Variants in EPM2A observed in about 807,000 individuals in gnomAD.
EPM2A encodes laforin.
A neutral mutation model predicts 26.5 loss-of-function variants in EPM2A; 21 were observed. The ratio of observed to expected loss-of-function variants is 0.79; its 90% CI spans 0.56 to 1.14. The LOEUF (loss-of-function observed/expected upper bound fraction) is 1.14. Among genes scored for constraint, EPM2A ranks in the 50% most tolerant of loss-of-function variants. The pLI is 0.00. For missense variants in EPM2A, 458 were observed against 440.8 expected (o/e 1.04, Z -0.35); for synonymous variants, 217 against 177.6 (o/e 1.22, Z -1.76).
rs1554264385 is a variant in EPM2A at position 145,696,805 on chromosome 6, G to GTGTGTT, written c.302-10510_302-10509insAACACA. 5.9e-3 allele frequency among the ~76,000 whole-genome samples: 898 copies of GTGTGTT among 151,134 alleles called. 3 individuals are homozygous for GTGTGTT. Among genetic ancestry groups the GTGTGTT allele is most frequent in the Non-Finnish European group, 9.9e-3 (666 of 67,614 alleles). On this transcript the variant is annotated intron_variant, in intron 1 of 3. Coordinates refer to ENST00000367519, the MANE Select transcript of EPM2A (RefSeq NM_005670.4). ...TGTGTGTGTGTGTGTGTGTGTGTGT[G>GTGTGTT]TGTGTGTGTGTGTGTGTGTGTGGTG...
At chr6:145,468,657 A>G (rs1365155382) in intron 4 of EPM2A, among the ~76,000 whole-genome samples, 1 of 152,156 alleles carries the variant, frequency 6.6e-6, no homozygotes, top group Non-Finnish European at 1.5e-5. Flanking sequence ...CTTAAATCTA[A>G]GGCCTCAAAC....
At position 145,439,266 on chromosome 6, in the gene EPM2A, T is replaced by TAA. The variant is rs1242472062; in HGVS notation, c.556-55171_556-55170dup. Among the ~76,000 whole-genome samples the TAA allele has an allele frequency of 2.6e-5, 4 of 152,324 alleles. No individual in the cohort carries two copies. The East Asian group carries it at 7.7e-4, about 29-fold the overall frequency. On this transcript the variant is annotated intron_variant, in intron 4 of 4. Coordinates refer to the EPM2A transcript ENST00000638717. Reference sequence around the variant, plus strand: ...TTTGATATTTTGAATAATGCTGCAATAACATACGTGTGCATGTGTCTTTAT... The same window carrying TAA: ...TTTGATATTTTGAATAATGCTGCAATAAAACATACGTGTGCATGTGTCTTTAT...
intron 2 of EPM2A, among the ~76,000 whole-genome samples, chr6:145,515,612 T>G (rs1166895202): frequency 1.3e-5 from 2 of 152,148 alleles, no homozygotes; most frequent in African/African-American, 2.4e-5. Context: ...AGGGCACTAA[T>G]CTTATTCTTG....
intron 4 of EPM2A, among the ~76,000 whole-genome samples, chr6:145,462,328 A>T (rs780477925): frequency 6.6e-6 from 1 of 152,134 alleles, no homozygotes; most frequent in Non-Finnish European, 1.5e-5. Flanking sequence ...GGTGGGTAGG[A>T]TCAACCCCGT....
intron 2 of EPM2A, among the ~76,000 whole-genome samples, chr6:145,575,577 C>T (rs577493671): frequency 1.1e-4 from 17 of 152,286 alleles, no homozygotes; most frequent in Admixed American, 2.0e-4. Flanking sequence ...ACTTTTTTCA[C>T]TGAACTTAGG....
At position 145,689,785 on chromosome 6, in the gene EPM2A, C is replaced by T. The variant is rs141557203; in HGVS notation, c.302-3489G>A. Among the ~76,000 whole-genome samples the T allele has an allele frequency of 3.0e-3, 454 of 152,340 alleles. 2 individuals are homozygous for T. The highest frequency in any genetic ancestry group is 0.024 in the Middle Eastern group (7 of 294). The stretch of plus-strand genomic sequence containing the variant: ...AGCTGTATTGCAGTGCCTCAACCCA[C>T]TCACTATCATGGTGTCAGAGAAGGA... On this transcript the variant is annotated intron_variant, in intron 1 of 3. Coordinates refer to ENST00000367519, the MANE Select transcript of EPM2A (RefSeq NM_005670.4).
Position 145,520,212 on chromosome 6 carries a change from A to G in EPM2A, c.341-17637T>C, listed in dbSNP as rs78594187. Among the ~76,000 whole-genome samples, 729 of 152,248 alleles carry G rather than the reference A, an allele frequency of 4.8e-3. 25 individuals are homozygous for G. In the East Asian group the frequency reaches 0.087, roughly 18 times the overall value. ...TTTTTCTCATAATTAAAATCTTAAA[A>G]TATCACTGTACTTTTTCTCTTTTCC... is the stretch of plus-strand genomic sequence containing the variant. On this transcript the variant is annotated intron_variant, in intron 2 of 3. Transcript: ENST00000450221.
At chr6:145,701,963 A>T (rs1781937544) in intron 1 of EPM2A, among the ~76,000 whole-genome samples, 1 of 152,134 alleles carries the variant, frequency 6.6e-6, no homozygotes, top group South Asian at 2.1e-4. Context: ...CTAGTTCTTG[A>T]TTGTGTCTGG....
intron 2 of EPM2A, among the ~76,000 whole-genome samples, chr6:145,674,275 C>A (rs775703006): frequency 9.2e-5 from 14 of 152,038 alleles, no homozygotes; most frequent in Non-Finnish European, 1.9e-4. Flanking sequence ...ACATCTACAC[C>A]AAACCCCACC....
chr6:145,665,878 G>A (rs1426698960), intron 2 of EPM2A, among the ~76,000 whole-genome samples: 1 of 150,056 alleles, frequency 6.7e-6, no homozygotes, highest in Non-Finnish European at 1.5e-5. Context: ...ATCAATAAAT[G>A]TAATCCAGCA....
intron 4 of EPM2A, among the ~76,000 whole-genome samples, chr6:145,396,204 G>A (rs1007427287): frequency 6.6e-6 from 1 of 152,154 alleles, no homozygotes; most frequent in Admixed American, 6.5e-5. Flanking sequence ...CCTAAGAAGT[G>A]TGGCAGCTCC....
At chr6:145,435,409 TTATA>T (rs3063952) in intron 4 of EPM2A, among the ~76,000 whole-genome samples, 17,281 of 126,512 alleles carry the variant, frequency 0.14, 1,088 homozygotes, top group South Asian at 0.2. Context: ...AGTGAAGAAT[TTATA>T]TATATATATA....
intron 1 of EPM2A, 108 bp downstream of exon 1, chr6:145,735,090 G>C: frequency 1.4e-6 from 1 of 718,508 alleles, no homozygotes; most frequent in East Asian, 3.8e-5. Context: ...AAAAGCCCGG[G>C]ACGCGCGCCG....
intron 4 of EPM2A, among the ~76,000 whole-genome samples, chr6:145,473,345 T>C (rs532878966): frequency 5.5e-4 from 84 of 151,556 alleles, no homozygotes; most frequent in African/African-American, 1.5e-3. Context: ...AGACAGACTA[T>C]TTGAAAATAT....
Position 145,659,933 on chromosome 6 carries a change from A to C in EPM2A, c.477-24447T>G, listed in dbSNP as rs74399130. On this transcript the variant is annotated intron_variant, in intron 2 of 3. Transcript: ENST00000367519. Reference sequence around the variant, plus strand: ...CATTTTGCTTTTTTTTAAAATCCATAAATATCATCCAACCATGTAGCAGAG... The same window carrying C: ...CATTTTGCTTTTTTTTAAAATCCATCAATATCATCCAACCATGTAGCAGAG... 7.6e-3 allele frequency among the ~76,000 whole-genome samples: 1,161 copies of C among 152,248 alleles called. 18 individuals carry two copies. The highest frequency in any genetic ancestry group is 0.027 in the African/African-American group (1,101 of 41,544).
chr6:145,526,364 C>T (rs933045621), intron 2 of EPM2A, among the ~76,000 whole-genome samples: 4 of 152,010 alleles, frequency 2.6e-5, no homozygotes, highest in African/African-American at 9.7e-5. Flanking sequence ...GAATTGATAC[C>T]AGCTCTTCTT....
rs374064166 is a variant in EPM2A at position 145,590,600 on chromosome 6, A to T, written c.340+44645T>A. Among the ~76,000 whole-genome samples the T allele has an allele frequency of 2.0e-5, 3 of 152,146 alleles. No homozygotes were observed. In the East Asian group the frequency reaches 5.8e-4, roughly 29 times the overall value. On this transcript the variant is annotated intron_variant, in intron 2 of 3. Coordinates refer to the EPM2A transcript ENST00000450221. Reference sequence around the variant, plus strand: ...CCTATATAATAATAATAGATTGCACATTAAAGAGCTGCAAGCCACTGACTT... The same window carrying T: ...CCTATATAATAATAATAGATTGCACTTTAAAGAGCTGCAAGCCACTGACTT...
intron 4 of EPM2A, among the ~76,000 whole-genome samples, chr6:145,399,172 T>G (rs984791297): frequency 1.3e-5 from 2 of 152,194 alleles, no homozygotes; most frequent in African/African-American, 4.8e-5. Context: ...TTAAAAAGTT[T>G]GCGAGAGAGG....
Position 145,735,427 on chromosome 6 carries a change from C to T in EPM2A, c.72G>A (p.Gly24=). The change falls in exon 1 of 4, where the codon GGG becomes GGA. Residue 24 remains glycine (G), a synonymous_variant. Transcript: ENST00000367519. Reference sequence around the variant, plus strand: ...CCCAACGCCCCAGCTCGGGCCGCGACCCCACCACCAGCAGCTCCGGCCGGG... The same window carrying T: ...CCCAACGCCCCAGCTCGGGCCGCGATCCCACCACCAGCAGCTCCGGCCGGG... The part of the protein sequence containing the change: ...AGARPELLVV[G]SRPELGRWEP... 1 of 1,257,782 alleles carries T rather than the reference C, an allele frequency of 8.0e-7. No individual in the cohort carries two copies. Among genetic ancestry groups the T allele is most frequent in the Non-Finnish European group, 1.0e-6 (1 of 994,834 alleles). The allele number at this position is 1,257,782 out of a possible 1,614,324, so 77.9% of individuals were successfully genotyped here. A position where few individuals can be genotyped will look rare whatever the true frequency, so the allele number is the denominator to read the frequency against.
Sources: allele counts gnomAD v4.1 joint callset (sites outside exome capture counted in the v4.1 genomes callset), GRCh38; gene constraint gnomAD v4.1.1; transcripts MANE v1.5; gene names NCBI Gene and HGNC (gene_info 2026-07-23, HGNC 2026-07-21).